Variants in PID1 observed in about 807,000 individuals in gnomAD.
PID1 encodes phosphotyrosine interaction domain containing 1.
A neutral mutation model predicts 19.1 loss-of-function variants in PID1; 10 were observed. That is an observed-to-expected ratio of 0.52 (90% confidence interval 0.32 to 0.89). PID1 has a LOEUF of 0.89. PID1 is among the 40% of genes least tolerant of loss of function. PID1 has a pLI of 0.03. For synonymous variants in PID1, 130 were observed against 116.0 expected, an observed-to-expected ratio of 1.12 and a Z score of -0.78; for missense variants, 248 against 285.3, an observed-to-expected ratio of 0.87 and a Z score of 0.94.
intron 2 of PID1, among the ~76,000 whole-genome samples, chr2:229,087,549 T>C (rs758295807): frequency 1.3e-5 from 2 of 152,206 alleles, no homozygotes; most frequent in Admixed American, 6.5e-5. Context: ...GCAGCCTTTA[T>C]GTACATTTAC....
chr2:229,090,949 A>G (rs1694863841), intron 2 of PID1, among the ~76,000 whole-genome samples: 1 of 152,142 alleles, frequency 6.6e-6, no homozygotes, highest in African/African-American at 2.4e-5. Flanking sequence ...AGGTTCCTCT[A>G]TTGTTTACCA....
chr2:229,028,127 G>T (rs1693465973), intron 2 of PID1, among the ~76,000 whole-genome samples: 1 of 152,180 alleles, frequency 6.6e-6, no homozygotes, highest in Non-Finnish European at 1.5e-5. Flanking sequence ...ACAATACAGG[G>T]TGAGTATCCC....
intron 2 of PID1, among the ~76,000 whole-genome samples, chr2:229,060,079 A>G (rs908167495): frequency 6.6e-6 from 1 of 152,168 alleles, no homozygotes; most frequent in Admixed American, 6.6e-5. Flanking sequence ...CAATGATGAA[A>G]TCAAGCTTAT....
intron 1 of PID1, among the ~76,000 whole-genome samples, chr2:229,260,817 A>ATTTTTTTTTTTTTTTTTT (rs66533277): frequency 1.7e-5 from 2 of 114,654 alleles, no homozygotes; most frequent in Non-Finnish European, 3.6e-5. Context: ...TCTGATTGCC[A>ATTTTTTTTTTTTTTTTTT]TTTTTTTTTT....
intron 1 of PID1, among the ~76,000 whole-genome samples, chr2:229,191,332 C>T (rs1691256522): frequency 6.6e-6 from 1 of 152,154 alleles, no homozygotes. Flanking sequence ...AGCCACGTGG[C>T]CCAGTGCTCT....
chr2:229,232,287 C>T (rs980398732), intron 1 of PID1, among the ~76,000 whole-genome samples: 1 of 151,594 alleles, frequency 6.6e-6, no homozygotes. Context: ...TAAAAATTAG[C>T]TGGGTGTGGT....
intron 1 of PID1, among the ~76,000 whole-genome samples, chr2:229,172,878 C>G (rs371440306): frequency 2.6e-5 from 4 of 152,064 alleles, no homozygotes; most frequent in Non-Finnish European, 1.5e-5. Flanking sequence ...ATTACAAGTG[C>G]GTGCCACCAT....
At chr2:229,125,237 AAGAGGCTTC>A (rs755265059) in intron 2 of PID1, among the ~76,000 whole-genome samples, 1 of 152,158 alleles carries the variant, frequency 6.6e-6, no homozygotes, top group Non-Finnish European at 1.5e-5. Context: ...TTCTAAATGG[AAGAGGCTTC>A]ATCAGCTTGG....
intron 1 of PID1, among the ~76,000 whole-genome samples, chr2:229,224,585 C>A (rs1692039021): frequency 6.6e-6 from 1 of 151,942 alleles, no homozygotes; most frequent in African/African-American, 2.4e-5. Context: ...ATTTTTGAGT[C>A]ATCTATTATT....
At chr2:229,235,537 T>C (rs1254067484) in intron 1 of PID1, among the ~76,000 whole-genome samples, 1 of 152,214 alleles carries the variant, frequency 6.6e-6, no homozygotes, top group Non-Finnish European at 1.5e-5. Context: ...TTTATTTTCA[T>C]TTATTTTTCC....
intron 2 of PID1, among the ~76,000 whole-genome samples, chr2:229,034,033 T>G (rs1482818011): frequency 6.6e-6 from 1 of 152,180 alleles, no homozygotes; most frequent in African/African-American, 2.4e-5. Flanking sequence ...GAGATGGATC[T>G]GCATGCCAAT....
chr2:229,134,038 C>T (rs1029187787), intron 2 of PID1, among the ~76,000 whole-genome samples: 1 of 152,020 alleles, frequency 6.6e-6, no homozygotes, highest in Non-Finnish European at 1.5e-5. Context: ...GCTAGTATCA[C>T]TTCCCTAGTG....
At chr2:229,119,123 T>C (rs905884675) in intron 2 of PID1, among the ~76,000 whole-genome samples, 1 of 152,230 alleles carries the variant, frequency 6.6e-6, no homozygotes, top group Non-Finnish European at 1.5e-5. Flanking sequence ...GAGGAACTCA[T>C]GCAGTCACTT....
chr2:229,107,659 G>A (rs1050690783), intron 2 of PID1, among the ~76,000 whole-genome samples: 2 of 152,096 alleles, frequency 1.3e-5, no homozygotes, highest in Non-Finnish European at 2.9e-5. Context: ...TCAAGTTGTC[G>A]ACGGTGCTTT....
At chr2:229,053,933 A>G (rs1291038669) in intron 2 of PID1, among the ~76,000 whole-genome samples, 2 of 152,232 alleles carry the variant, frequency 1.3e-5, no homozygotes, top group Non-Finnish European at 2.9e-5. Flanking sequence ...ATTTTAGAGA[A>G]CAACTTTAAG....
intron 1 of PID1, among the ~76,000 whole-genome samples, chr2:229,244,162 A>G (rs931325025): frequency 4.0e-4 from 61 of 152,158 alleles, no homozygotes; most frequent in African/African-American, 1.4e-3. Flanking sequence ...ACCTCATTTA[A>G]CCACTATTTC....
intron 1 of PID1, among the ~76,000 whole-genome samples, chr2:229,187,896 C>T (rs764332484): frequency 5.3e-5 from 8 of 152,148 alleles, no homozygotes; most frequent in Non-Finnish European, 1.2e-4. Flanking sequence ...CTCATAAACC[C>T]ATGCTAATCT....
Position 229,025,813 on chromosome 2 carries a change from A to C in PID1, c.473T>G (p.Leu158Arg), listed in dbSNP as rs754676523. The C allele has an allele frequency of 6.2e-7, 1 of 1,614,250 alleles. No individual in the cohort carries two copies. The highest frequency in any genetic ancestry group is 1.7e-5 in the Admixed American group (1 of 60,032). The stretch of plus-strand genomic sequence containing the variant: ...GGCGTGGCAGTCCATCTGGTAGGAC[A>C]GGTCATCATTGATCTCCCTGTAGAC... ...AWVYREINDD[L>R]SYQMDCHAVE... The change falls in exon 3 of 3, where the codon CTG becomes CGG. Residue 158 changes from leucine (L) to arginine (R), a missense_variant. Physicochemically the swap from Leu to Arg is moderately radical, Grantham distance 102. Transcript: ENST00000392055.
intron 1 of PID1, among the ~76,000 whole-genome samples, chr2:229,259,964 T>TA (rs1253023279): frequency 2.0e-5 from 3 of 152,166 alleles, no homozygotes; most frequent in Non-Finnish European, 4.4e-5. Context: ...ATCTTGGACT[T>TA]ACAGCTTTAA....
Sources: gnomAD v4.1 joint callset for allele counts (sites outside exome capture counted in the v4.1 genomes callset) on GRCh38, gnomAD v4.1.1 for gene constraint, MANE v1.5 for transcripts, NCBI Gene and HGNC (gene_info 2026-07-23, HGNC 2026-07-21) for gene names.